The following TUSC3 variants were observed in gnomAD, a reference collection of about 807,000 sequenced individuals.
TUSC3 encodes the protein tumor suppressor candidate 3.
TUSC3 carries 45 observed loss-of-function variants against 44.8 expected under a neutral mutation model. That is an observed-to-expected ratio of 1.00 (90% CI 0.79 to 1.29). The LOEUF is 1.29. Ranked by LOEUF, TUSC3 falls within the 50% of genes most tolerant of loss-of-function variation. The probability of loss-of-function intolerance (pLI) is 0.00; values close to 1 mark genes in which losing one functional copy is unlikely to be tolerated. For synonymous variants in TUSC3, 212 were observed against 152.9 expected, an observed-to-expected ratio of 1.39 and a Z score of -2.85; for missense variants, 519 against 437.9, an observed-to-expected ratio of 1.19 and a Z score of -1.65.
At chr8:15,683,072 C>T (rs1254101266) in intron 6 of TUSC3, among the ~76,000 whole-genome samples, 1 of 151,994 alleles carries the variant, frequency 6.6e-6, no homozygotes, top group Admixed American at 6.6e-5. Flanking sequence ...TCTCTAGCTG[C>T]CTTTAAGATT....
chr8:15,515,002 T>G (rs576201807), intron 2 of TUSC3, among the ~76,000 whole-genome samples: 1 of 152,332 alleles, frequency 6.6e-6, no homozygotes, highest in African/African-American at 2.4e-5. Flanking sequence ...TGTTTAATTT[T>G]GGTTGGAGAA....
chr8:15,503,826 A>T (rs1294596113), intron 2 of TUSC3, among the ~76,000 whole-genome samples: 3 of 151,976 alleles, frequency 2.0e-5, no homozygotes, highest in African/African-American at 7.3e-5. Context: ...AGCATGGCAA[A>T]ACCCATCTCT....
At chr8:15,473,968 G>A (rs1800533248) in intron 1 of TUSC3, among the ~76,000 whole-genome samples, 1 of 152,152 alleles carries the variant, frequency 6.6e-6, no homozygotes, top group Non-Finnish European at 1.5e-5. Context: ...CAGGAGACCA[G>A]GGCGTATTTT....
At chr8:15,816,349 A>G in the TUSC3 span, among the ~76,000 whole-genome samples, 1 of 152,194 alleles carries the variant, frequency 6.6e-6, no homozygotes, top group South Asian at 2.1e-4. Flanking sequence ...TGAGGAAATA[A>G]TGGAAGGGGT....
intron 1 of TUSC3, among the ~76,000 whole-genome samples, chr8:15,432,715 GAACTT>G (rs1189135859): frequency 6.6e-6 from 1 of 152,090 alleles, no homozygotes; most frequent in Non-Finnish European, 1.5e-5. Flanking sequence ...TCCGAACTGT[GAACTT>G]AATGTGCATC....
the TUSC3 span, among the ~76,000 whole-genome samples, chr8:15,813,768 G>A: frequency 1.6e-4 from 23 of 145,190 alleles, 2 homozygotes; most frequent in East Asian, 8.7e-4. Context: ...ATGTGAAAGA[G>A]GTTTTTTTTT....
At chr8:15,600,666 ATACAAAGTATGAGG>A (rs532562852) in intron 1 of TUSC3, among the ~76,000 whole-genome samples, 88 of 151,810 alleles carry the variant, frequency 5.8e-4, no homozygotes, top group African/African-American at 2.0e-3. Flanking sequence ...TGGTTATAAG[ATACAAAGTATGAGG>A]TACTGTTTTG....
chr8:15,525,055 G>T (rs774416420), intron 2 of TUSC3, among the ~76,000 whole-genome samples: 24 of 152,314 alleles, frequency 1.6e-4, no homozygotes, highest in Admixed American at 8.5e-4. Context: ...AACTCTCAAG[G>T]TAAAAGGGAA....
At chr8:15,440,731 A>G (rs1031377956) in intron 1 of TUSC3, among the ~76,000 whole-genome samples, 1 of 152,204 alleles carries the variant, frequency 6.6e-6, no homozygotes, top group African/African-American at 2.4e-5. Flanking sequence ...TCTAGAATAG[A>G]CACTATGATA....
the TUSC3 span, among the ~76,000 whole-genome samples, chr8:15,824,592 A>T: frequency 5.4e-5 from 8 of 148,592 alleles, no homozygotes; most frequent in African/African-American, 2.0e-4. Context: ...GGAACATCAC[A>T]CACTGGGGCC....
At chr8:15,755,267 A>C (rs1230526390) in intron 9 of TUSC3, among the ~76,000 whole-genome samples, 5 of 152,156 alleles carry the variant, frequency 3.3e-5, no homozygotes, top group Non-Finnish European at 7.4e-5. Context: ...ATGTCGTTCA[A>C]CTATTAGAAA....
chr8:15,762,145 A>G (rs1275475381), intron 10 of TUSC3, among the ~76,000 whole-genome samples: 1 of 151,980 alleles, frequency 6.6e-6, no homozygotes, highest in Non-Finnish European at 1.5e-5. Flanking sequence ...CGTTTTAACC[A>G]GTCAAAACAT....
rs533279877 is a variant in TUSC3 at position 15,563,850 on chromosome 8, G to T, written c.138+23282G>T. ...ATAAGAATTATTTCAAGTAATTCACGTATCTTGTAGTCTCAGAATACCTAT... is the reference window on the plus strand; with the variant it reads ...ATAAGAATTATTTCAAGTAATTCACTTATCTTGTAGTCTCAGAATACCTAT... On this transcript the variant is annotated intron_variant, in intron 1 of 10. Coordinates refer to ENST00000503731, the MANE Select transcript of TUSC3 (RefSeq NM_006765.4). Among the ~76,000 whole-genome samples, 8 of 152,072 alleles carry T rather than the reference G, an allele frequency of 5.3e-5. No individual in the cohort carries two copies. In the South Asian group the frequency reaches 1.7e-3, roughly 32 times the overall value.
chr8:15,530,882 G>A (rs976683350), intron 2 of TUSC3, among the ~76,000 whole-genome samples: 3 of 152,128 alleles, frequency 2.0e-5, no homozygotes, highest in South Asian at 2.1e-4. Flanking sequence ...GCTCCTGACC[G>A]TAAACTCAGT....
chr8:15,431,228 T>G (rs998353166), intron 1 of TUSC3, among the ~76,000 whole-genome samples: 1 of 151,698 alleles, frequency 6.6e-6, no homozygotes, highest in African/African-American at 2.4e-5. Flanking sequence ...TAATCACATT[T>G]TTTAAGTCAT....
intron 1 of TUSC3, among the ~76,000 whole-genome samples, chr8:15,571,918 T>G (rs952593483): frequency 6.6e-6 from 1 of 152,166 alleles, no homozygotes; most frequent in African/African-American, 2.4e-5. Context: ...TTCAGTAAAC[T>G]GTGCTTTAAA....
At chr8:15,750,666 C>T (rs1210217186) in intron 9 of TUSC3, among the ~76,000 whole-genome samples, 2 of 151,974 alleles carry the variant, frequency 1.3e-5, no homozygotes, top group African/African-American at 2.4e-5. Context: ...TCCTTGGCCT[C>T]ACCATAGATA....
intron 7 of TUSC3, among the ~76,000 whole-genome samples, chr8:15,732,697 A>C (rs1459945416): frequency 6.6e-6 from 1 of 152,232 alleles, no homozygotes; most frequent in African/African-American, 2.4e-5. Context: ...GGTAATACAA[A>C]GGCATTGTTT....
chr8:15,821,070 G>T, the TUSC3 span, among the ~76,000 whole-genome samples: 2 of 152,158 alleles, frequency 1.3e-5, no homozygotes, highest in African/African-American at 4.8e-5. Context: ...TTTTTGTAGA[G>T]TAAATCTGCT....
Sources: gnomAD v4.1 joint callset for allele counts (sites outside exome capture counted in the v4.1 genomes callset) on GRCh38, gnomAD v4.1.1 for gene constraint, MANE v1.5 for transcripts, NCBI Gene and HGNC (gene_info 2026-07-23, HGNC 2026-07-21) for gene names.